The following TGFBR3 variants were observed in gnomAD, a reference collection of about 807,000 sequenced individuals.
TGFBR3 encodes transforming growth factor beta receptor 3.
TGFBR3 carries 46 observed loss-of-function variants against 87.9 expected under a neutral mutation model. That is an observed-to-expected ratio of 0.52 (90% CI 0.41 to 0.67). The LOEUF (loss-of-function observed/expected upper bound fraction) is 0.67. Among genes scored for constraint, TGFBR3 ranks in the 30% least tolerant of loss-of-function variants. The pLI, the probability that TGFBR3 is intolerant of heterozygous loss-of-function variation, is 0.00. For missense variants in TGFBR3, 866 were observed against 1,041.9 expected (o/e 0.83, Z 2.32); for synonymous variants, 381 against 391.6 (o/e 0.97, Z 0.32).
chr1:91,797,542 A>C, intron 2 of TGFBR3, 71 bp from the exon 3 acceptor site: 1 of 1,571,240 alleles, frequency 6.4e-7, no homozygotes, highest in Non-Finnish European at 8.8e-7. Flanking sequence ...GGCAAGGGTG[A>C]TCAAACCACT....
intron 2 of TGFBR3, among the ~76,000 whole-genome samples, chr1:91,856,141 C>G (rs1309652985): frequency 6.6e-6 from 1 of 152,154 alleles, no homozygotes; most frequent in Non-Finnish European, 1.5e-5. Flanking sequence ...CAGCTCACTG[C>G]AAGCTCCGCC....
At chr1:91,857,179 G>C (rs1336127546) in intron 2 of TGFBR3, among the ~76,000 whole-genome samples, 2 of 152,136 alleles carry the variant, frequency 1.3e-5, no homozygotes, top group African/African-American at 4.8e-5. Context: ...TGAATTCCAA[G>C]ATTAAACAGT....
intron 16 of TGFBR3, among the ~76,000 whole-genome samples, chr1:91,692,245 CAAAGGT>C (rs1248296456): frequency 6.6e-6 from 1 of 152,054 alleles, no homozygotes; most frequent in Non-Finnish European, 1.5e-5. Context: ...AGGTCTAGAG[CAAAGGT>C]GTAAACCTGC....
At chr1:91,698,805 C>G (rs17885203) in intron 14 of TGFBR3, among the ~76,000 whole-genome samples, 29 of 152,294 alleles carry the variant, frequency 1.9e-4, no homozygotes, top group African/African-American at 6.3e-4. Flanking sequence ...CTGCGCCCAG[C>G]CTTCAAAATA....
intron 2 of TGFBR3, among the ~76,000 whole-genome samples, chr1:91,840,150 A>T (rs1017322364): frequency 1.5e-4 from 21 of 137,882 alleles, no homozygotes; most frequent in Admixed American, 7.2e-5. Context: ...TCTCTACTTT[A>T]AAAAAAAAAA....
intron 6 of TGFBR3, among the ~76,000 whole-genome samples, chr1:91,729,529 G>A (rs11466587): frequency 0.087 from 13,189 of 152,190 alleles, 612 homozygotes; most frequent in Middle Eastern, 0.11. Flanking sequence ...CAGGCTTCAG[G>A]AATTCATCTG....
At chr1:91,731,768 G>A (rs1672783120) in intron 5 of TGFBR3, among the ~76,000 whole-genome samples, 1 of 152,300 alleles carries the variant, frequency 6.6e-6, no homozygotes, top group South Asian at 2.1e-4. Flanking sequence ...TGGGCATATG[G>A]TATAGGTTTC....
intron 1 of TGFBR3, among the ~76,000 whole-genome samples, chr1:91,871,180 A>G (rs559357040): frequency 4.3e-4 from 66 of 152,254 alleles, no homozygotes; most frequent in African/African-American, 1.6e-3. Context: ...GAAACAGCTG[A>G]CTTTCAAAAA....
chr1:91,843,912 C>T (rs1200758806), intron 2 of TGFBR3, among the ~76,000 whole-genome samples: 2 of 152,334 alleles, frequency 1.3e-5, no homozygotes, highest in South Asian at 2.1e-4. Context: ...TCAGGTATTA[C>T]CCACATTCAG....
Position 91,734,845 on chromosome 1 carries a change from CTT to C in TGFBR3, c.497_498del (p.Lys166ArgfsTer20), listed in dbSNP as rs1348571874. On this transcript the variant is annotated frameshift_variant, in exon 5 of 17. Coordinates refer to ENST00000212355, the MANE Select transcript of TGFBR3 (RefSeq NM_003243.5). LOFTEE classifies it high-confidence loss of function. ...GNEHLLNWAR[K>X]EYGAVTSFTE... ...GTGAATGAAGTAACTGCTCCATACTCTTTTCGGGCCCAATTTAACAGATGTTC... is the reference window on the plus strand; with the variant it reads ...GTGAATGAAGTAACTGCTCCATACTCTTCGGGCCCAATTTAACAGATGTTC... 6 of 1,614,200 alleles carry C rather than the reference CTT, an allele frequency of 3.7e-6. No individual in the cohort carries two copies. The highest frequency in any genetic ancestry group is 5.1e-6 in the Non-Finnish European group (6 of 1,180,022).
chr1:91,701,542 A>G lies in TGFBR3; in HGVS notation c.2288-3412T>C, dbSNP rs185214560. On this transcript the variant is annotated intron_variant, in intron 14 of 16. Coordinates refer to ENST00000212355, the MANE Select transcript of TGFBR3 (RefSeq NM_003243.5). ...TTACAGAAAGGACAAACTATAATCA[A>G]TGTTCTGAATTAAATCTTTTCATAT... Among the ~76,000 whole-genome samples the G allele has an allele frequency of 2.1e-3, 318 of 152,332 alleles. 2 individuals are homozygous for G. Among genetic ancestry groups the G allele is most frequent in the African/African-American group, 7.1e-3 (294 of 41,578 alleles).
At chr1:91,904,756 G>C (rs1679807965) in intron 1 of TGFBR3, among the ~76,000 whole-genome samples, 1 of 152,068 alleles carries the variant, frequency 6.6e-6, no homozygotes, top group South Asian at 2.1e-4. Flanking sequence ...AGTAGAGACA[G>C]GGTTTTGTCA....
intron 4 of TGFBR3, among the ~76,000 whole-genome samples, chr1:91,737,361 T>C (rs1474348917): frequency 1.3e-5 from 2 of 152,218 alleles, no homozygotes; most frequent in Non-Finnish European, 2.9e-5. Flanking sequence ...GAAGGTATTG[T>C]TCAGATGTTA....
chr1:91,773,727 T>C (rs76243960), intron 3 of TGFBR3, among the ~76,000 whole-genome samples: 9,791 of 152,202 alleles, frequency 0.064, 358 homozygotes, highest in Middle Eastern at 0.099. Flanking sequence ...AATAAATGAG[T>C]TGATGTGACT....
chr1:91,829,361 GC>G (rs1438017785), intron 2 of TGFBR3, among the ~76,000 whole-genome samples: 2 of 150,954 alleles, frequency 1.3e-5, no homozygotes, highest in Non-Finnish European at 2.9e-5. Context: ...GAGCAACAGA[GC>G]GAGACTCGAA....
intron 14 of TGFBR3, among the ~76,000 whole-genome samples, chr1:91,705,353 A>G (rs1671765665): frequency 2.0e-5 from 3 of 151,408 alleles, no homozygotes; most frequent in Admixed American, 1.3e-4. Flanking sequence ...CCTAAAGAGT[A>G]GCTGGGATTA....
rs868417236 is a variant in TGFBR3, at chr1:91,698,117, G to A, written c.2301C>T (p.Ser767=). The change falls in exon 15 of 17, where the codon AGC becomes AGT. Residue 767 remains serine (S), a synonymous_variant. Transcript: ENST00000212355. ...GAGAAATTGGATTTGGTTCCTTCAT[G>A]CTTGGACCTTTTTCTGAAACAAAAA... is the stretch of plus-strand genomic sequence containing the variant. ...HEAESKEKGP[S]MKEPNPISPP... 1.2e-6 allele frequency: 2 copies of A among 1,613,942 alleles called. No individual in the cohort carries two copies. The highest frequency in any genetic ancestry group is 1.7e-6 in the Non-Finnish European group (2 of 1,179,846).
At chr1:91,747,752 A>G (rs1673394121) in intron 4 of TGFBR3, among the ~76,000 whole-genome samples, 2 of 152,228 alleles carry the variant, frequency 1.3e-5, no homozygotes, top group African/African-American at 4.8e-5. Context: ...GTATCAGATA[A>G]TCTGGGTGGG....
chr1:91,840,748 G>A (rs1018469932), intron 2 of TGFBR3, among the ~76,000 whole-genome samples: 9 of 151,964 alleles, frequency 5.9e-5, no homozygotes, highest in Non-Finnish European at 1.0e-4. Context: ...TGTGAAAAAC[G>A]AAATTTTATT....
Sources: gnomAD v4.1 joint callset for allele counts (sites outside exome capture counted in the v4.1 genomes callset) on GRCh38, gnomAD v4.1.1 for gene constraint, MANE v1.5 for transcripts, NCBI Gene and HGNC (gene_info 2026-07-23, HGNC 2026-07-21) for gene names.